Variants in GPC5 observed in about 807,000 individuals in gnomAD.
The protein encoded by GPC5 is glypican 5.
Under a neutral mutation model 53.9 loss-of-function variants are expected in GPC5, and 47 were observed. The observed-to-expected ratio is 0.87, with a 90% confidence interval of 0.69 to 1.11. GPC5 has a LOEUF of 1.11. Among genes scored for constraint, GPC5 ranks in the 50% most tolerant of loss-of-function variants. The pLI is 0.00. For synonymous variants in GPC5, 286 were observed against 263.3 expected, an observed-to-expected ratio of 1.09 and a Z score of -0.84; for missense variants, 748 against 713.1, an observed-to-expected ratio of 1.05 and a Z score of -0.56.
chr13:91,655,078 A>C (rs1405923500), intron 2 of GPC5, among the ~76,000 whole-genome samples: 1 of 152,218 alleles, frequency 6.6e-6, no homozygotes, highest in Non-Finnish European at 1.5e-5. Flanking sequence ...AATGGTCTCC[A>C]TGTATCAGGT....
chr13:91,962,003 G>A (rs1156913722), intron 6 of GPC5, among the ~76,000 whole-genome samples: 1 of 152,086 alleles, frequency 6.6e-6, no homozygotes, highest in Non-Finnish European at 1.5e-5. Flanking sequence ...CAAAGACAAA[G>A]TAAAAGTAGC....
At chr13:92,144,594 T>G (rs918149949) in intron 6 of GPC5, among the ~76,000 whole-genome samples, 6 of 152,288 alleles carry the variant, frequency 3.9e-5, no homozygotes, top group Non-Finnish European at 7.4e-5. Context: ...TCCCAAAGAA[T>G]CATCCAAACC....
At chr13:92,116,597 T>C (rs973404485) in intron 6 of GPC5, among the ~76,000 whole-genome samples, 5 of 152,240 alleles carry the variant, frequency 3.3e-5, no homozygotes, top group South Asian at 2.1e-4. Context: ...GATTGTCATA[T>C]AAACAATGTA....
chr13:92,707,124 C>G (rs566645224), intron 7 of GPC5, among the ~76,000 whole-genome samples: 2 of 146,926 alleles, frequency 1.4e-5, no homozygotes, highest in South Asian at 2.3e-4. Flanking sequence ...GGCTGCTGTT[C>G]AAGCAGCCTC....
intron 6 of GPC5, among the ~76,000 whole-genome samples, chr13:92,032,844 C>G (rs1282441096): frequency 6.6e-6 from 1 of 152,206 alleles, no homozygotes; most frequent in East Asian, 1.9e-4. Flanking sequence ...CTCTGCCCAT[C>G]TGTCACACTA....
At chr13:92,580,397 C>A (rs1396834022) in intron 7 of GPC5, among the ~76,000 whole-genome samples, 1 of 152,046 alleles carries the variant, frequency 6.6e-6, no homozygotes, top group Non-Finnish European at 1.5e-5. Context: ...AGAAAAAGTA[C>A]TTTATATTTT....
At chr13:91,875,806 A>G (rs946158544) in intron 5 of GPC5, among the ~76,000 whole-genome samples, 1 of 152,224 alleles carries the variant, frequency 6.6e-6, no homozygotes, top group Non-Finnish European at 1.5e-5. Flanking sequence ...GCTTCCCCCA[A>G]CAATATTTTA....
At chr13:91,890,641 G>A (rs2039375047) in intron 5 of GPC5, among the ~76,000 whole-genome samples, 2 of 152,100 alleles carry the variant, frequency 1.3e-5, no homozygotes, top group Non-Finnish European at 1.5e-5. Context: ...AAATTGCTGG[G>A]CCAGCATTAT....
chr13:91,405,907 G>C (rs1877288645), intron 1 of GPC5, among the ~76,000 whole-genome samples: 2 of 152,104 alleles, frequency 1.3e-5, no homozygotes, highest in Admixed American at 1.3e-4. Flanking sequence ...GAGTAGCTGG[G>C]CCCGTAGGTG....
intron 1 of GPC5, among the ~76,000 whole-genome samples, chr13:91,410,291 G>T (rs1877622343): frequency 6.6e-6 from 1 of 150,742 alleles, no homozygotes; most frequent in African/African-American, 2.4e-5. Context: ...AATTATTTGT[G>T]CTTGGTCAGG....
chr13:92,787,667 CAA>C (rs71202562), intron 7 of GPC5, among the ~76,000 whole-genome samples: 2 of 56,218 alleles, frequency 3.6e-5, no homozygotes, highest in Admixed American at 2.3e-4. Flanking sequence ...CTCATAGCTA[CAA>C]AAAAAAAAAA....
intron 7 of GPC5, among the ~76,000 whole-genome samples, chr13:92,657,399 T>C (rs1052172246): frequency 5.3e-5 from 8 of 152,172 alleles, no homozygotes; most frequent in Admixed American, 3.9e-4. Flanking sequence ...TCATGCTAAG[T>C]GTTTGCTCTA....
intron 7 of GPC5, among the ~76,000 whole-genome samples, chr13:92,269,544 T>G (rs2042825920): frequency 6.6e-6 from 1 of 152,166 alleles, no homozygotes; most frequent in Non-Finnish European, 1.5e-5. Context: ...TAGCTGGGAC[T>G]ACAGGCATCT....
intron 2 of GPC5, among the ~76,000 whole-genome samples, chr13:91,598,522 C>T (rs1369810257): frequency 6.6e-6 from 1 of 152,000 alleles, no homozygotes; most frequent in Non-Finnish European, 1.5e-5. Flanking sequence ...AACATTCTTT[C>T]TTTGCCAATC....
intron 2 of GPC5, among the ~76,000 whole-genome samples, chr13:91,566,930 T>TC (rs1227460128): frequency 8.1e-6 from 1 of 123,194 alleles, no homozygotes; most frequent in Non-Finnish European, 1.6e-5. Flanking sequence ...TTCTTCCAAT[T>TC]CTTTTTTTTT....
intron 6 of GPC5, among the ~76,000 whole-genome samples, chr13:91,939,185 AT>A: frequency 6.6e-6 from 1 of 152,146 alleles, no homozygotes; most frequent in South Asian, 2.1e-4. Context: ...ATGTAAAAAA[AT>A]TATCCATCTT....
intron 2 of GPC5, among the ~76,000 whole-genome samples, chr13:91,677,230 A>G (rs2035404253): frequency 6.6e-6 from 1 of 152,216 alleles, no homozygotes; most frequent in Non-Finnish European, 1.5e-5. Flanking sequence ...TTATGGCTCA[A>G]TCCTTTTATT....
chr13:91,490,197 G>T (rs950844126), intron 2 of GPC5, among the ~76,000 whole-genome samples: 5 of 152,126 alleles, frequency 3.3e-5, no homozygotes, highest in Non-Finnish European at 7.4e-5. Context: ...AGAATAAGTT[G>T]CTATAGTGGG....
chr13:92,153,303 G>T (rs566803795), intron 7 of GPC5, among the ~76,000 whole-genome samples: 6 of 151,746 alleles, frequency 4.0e-5, no homozygotes, highest in African/African-American at 1.5e-4. Context: ...TAATTTTTGG[G>T]TTTTTTGTAC....
Sources: allele counts gnomAD v4.1 joint callset (sites outside exome capture counted in the v4.1 genomes callset), GRCh38; gene constraint gnomAD v4.1.1; transcripts MANE v1.5; gene names NCBI Gene and HGNC (gene_info 2026-07-23, HGNC 2026-07-21).